The following EPS15L1 variants were observed in gnomAD, a reference collection of about 807,000 sequenced individuals.
EPS15L1 encodes the protein epidermal growth factor receptor substrate 15-like 1.
In EPS15L1, 43 loss-of-function variants were observed where a neutral mutation model predicts 117.1. That is an observed-to-expected ratio of 0.37 (90% confidence interval 0.29 to 0.47). The LOEUF is 0.47. EPS15L1 is among the 20% of genes least tolerant of loss of function. The pLI is 0.99. For synonymous variants in EPS15L1, 459 were observed against 470.5 expected (o/e 0.98, Z 0.32); for missense variants, 981 against 1,164.0 (o/e 0.84, Z 2.29).
intron 8 of EPS15L1, among the ~76,000 whole-genome samples, chr19:16,428,214 AAG>A (rs1053957093): frequency 6.7e-6 from 1 of 148,404 alleles, no homozygotes; most frequent in African/African-American, 2.5e-5. Flanking sequence ...AAAAAAAAGA[AAG>A]AAAGAAAGAA....
At chr19:16,380,670 T>G (rs865844383) in intron 21 of EPS15L1, among the ~76,000 whole-genome samples, 3 of 152,210 alleles carry the variant, frequency 2.0e-5, no homozygotes, top group Non-Finnish European at 2.9e-5. Context: ...TTTGAGGCTC[T>G]AGCTTCCAGT....
intron 23 of EPS15L1, chr19:16,356,513 T>G (rs1244215416): frequency 1.3e-5 from 2 of 152,402 alleles, no homozygotes; most frequent in Non-Finnish European, 2.9e-5. Context: ...GGTTTCACCA[T>G]GTTGGTCAGG....
intron 1 of EPS15L1, among the ~76,000 whole-genome samples, chr19:16,451,626 TCA>T (rs1283617056): frequency 1.3e-5 from 2 of 151,752 alleles, no homozygotes; most frequent in Non-Finnish European, 2.9e-5. Flanking sequence ...CCTCCCGGGT[TCA>T]CGCCATTCTC....
At chr19:16,360,046 T>A (rs545650954) in intron 23 of EPS15L1, among the ~76,000 whole-genome samples, 2 of 150,336 alleles carry the variant, frequency 1.3e-5, no homozygotes, top group East Asian at 3.9e-4. Flanking sequence ...AGCCAAATGA[T>A]ACCTTGAAAC....
intron 8 of EPS15L1, among the ~76,000 whole-genome samples, chr19:16,425,705 T>C (rs1599629289): frequency 6.6e-6 from 1 of 152,078 alleles, no homozygotes; most frequent in South Asian, 2.1e-4. Context: ...CTTGGGAGGC[T>C]GAGGTGGGAG....
intron 22 of EPS15L1, among the ~76,000 whole-genome samples, chr19:16,372,718 A>G (rs1457213998): frequency 6.6e-6 from 1 of 152,238 alleles, no homozygotes; most frequent in Non-Finnish European, 1.5e-5. Context: ...CAGACCACAT[A>G]CAGCACGTCA....
chr19:16,466,485 C>T lies in EPS15L1; in HGVS notation c.33+5428G>A, dbSNP rs114624587. On this transcript the variant is annotated intron_variant, in intron 1 of 23. Coordinates refer to ENST00000455140, the MANE Select transcript of EPS15L1 (RefSeq NM_001258374.3). ...TTCTTTATATCTGGGCCCCTCCCAACGATGTCAGCCCCGTGAGGCGGCACT... is the reference window on the plus strand; with the variant it reads ...TTCTTTATATCTGGGCCCCTCCCAATGATGTCAGCCCCGTGAGGCGGCACT... Among the ~76,000 whole-genome samples, 871 of 152,264 alleles carry T rather than the reference C, an allele frequency of 5.7e-3. 5 individuals are homozygous for T. Among genetic ancestry groups the T allele is most frequent in the African/African-American group, 0.02 (811 of 41,572 alleles).
intron 1 of EPS15L1, among the ~76,000 whole-genome samples, chr19:16,459,023 C>A (rs2093223384): frequency 6.6e-6 from 1 of 152,240 alleles, no homozygotes; most frequent in African/African-American, 2.4e-5. Context: ...GGCTACAAAC[C>A]TGGGCAGCGT....
At chr19:16,440,779 GA>G in intron 4 of EPS15L1, 82 bp downstream of exon 4, 2 of 1,202,310 alleles carry the variant, frequency 1.7e-6, no homozygotes, top group Non-Finnish European at 2.5e-6. Context: ...GACAGTGGAG[GA>G]ATGTGGAAGG....
At position 16,370,739 on chromosome 19, in the gene EPS15L1, C is replaced by T. The variant is rs1249169086; in HGVS notation, c.2380+6383G>A. On this transcript the variant is annotated intron_variant, in intron 22 of 23. Coordinates refer to ENST00000455140, the MANE Select transcript of EPS15L1 (RefSeq NM_001258374.3). The surrounding 1 kb of genome is among the most constrained non-coding windows in gnomAD (Gnocchi z 5.2). ...TAAACATACAAGGCTGACATTCCTC[C>T]CTCTCAGAGTGGGACCGTTCCTTGG... Among the ~76,000 whole-genome samples the T allele has an allele frequency of 1.3e-5, 2 of 152,234 alleles. No homozygotes were observed. Among genetic ancestry groups the T allele is most frequent in the African/African-American group, 4.8e-5 (2 of 41,462 alleles).
At chr19:16,453,585 C>A (rs753842730) in intron 1 of EPS15L1, among the ~76,000 whole-genome samples, 1 of 152,034 alleles carries the variant, frequency 6.6e-6, no homozygotes, top group African/African-American at 2.4e-5. Flanking sequence ...TGGTGGCAGG[C>A]GCCTGCAGTC....
At chr19:16,401,783 T>C in intron 16 of EPS15L1, 17 of 985,910 alleles carry the variant, frequency 1.7e-5, no homozygotes, top group East Asian at 1.1e-4. Context: ...TTTTTAAACA[T>C]AACCAAAATT....
At chr19:16,470,253 A>G (rs1029969557) in intron 1 of EPS15L1, among the ~76,000 whole-genome samples, 2 of 151,988 alleles carry the variant, frequency 1.3e-5, no homozygotes, top group African/African-American at 4.8e-5. Flanking sequence ...CGGGTGTGGT[A>G]GCACGTGCCT....
At position 16,355,845 on chromosome 19, in the gene EPS15L1, T is replaced by C. The variant is rs946346939; in HGVS notation, c.2593A>G (p.Asn865Asp). ...SGFADFTSFG[N>D]EEQQLAWAKR... ...GCCCACGCCAGCTGCTGCTCCTCAT[T>C]GCCAAACTGCAAAGGAAAAACGGAG... Residue 865 changes from asparagine (N) to aspartate (D), a missense_variant, in exon 24 of 24, where the codon AAT (asparagine) becomes GAT (aspartate). Coordinates refer to ENST00000455140, the MANE Select transcript of EPS15L1 (RefSeq NM_001258374.3). 10 of 1,535,770 alleles carry C rather than the reference T, an allele frequency of 6.5e-6. No homozygotes were observed. Among genetic ancestry groups the C allele is most frequent in the Non-Finnish European group, 8.7e-6 (10 of 1,146,604 alleles).
intron 21 of EPS15L1, among the ~76,000 whole-genome samples, chr19:16,380,809 GTGT>G (rs2092353142): frequency 6.6e-6 from 1 of 152,250 alleles, no homozygotes; most frequent in African/African-American, 2.4e-5. Flanking sequence ...GTGGCCACCT[GTGT>G]CTCTGGCAGC....
intron 1 of EPS15L1, among the ~76,000 whole-genome samples, chr19:16,446,024 T>G (rs116488216): frequency 2.0e-5 from 3 of 152,308 alleles, no homozygotes; most frequent in Admixed American, 1.3e-4. Context: ...AGAGACAACA[T>G]GCAAAGTTCC....
chr19:16,425,211 C>T lies in EPS15L1; in HGVS notation c.664G>A (p.Ala222Thr), dbSNP rs754095283. 3 of 1,604,044 alleles carry T rather than the reference C, an allele frequency of 1.9e-6. No individual in the cohort carries two copies. Among genetic ancestry groups the T allele is most frequent in the Non-Finnish European group, 2.6e-6 (3 of 1,172,330 alleles). Reference sequence around the variant, plus strand: ...GGGCTGGCAGGCAGGACGGGGACGGCGCCAGGGAACACAGTCTTCTTTCTC... The same window carrying T: ...GGGCTGGCAGGCAGGACGGGGACGGTGCCAGGGAACACAGTCTTCTTTCTC... ...SKRKKTVFPG[A>T]VPVLPASPPP... The change falls in exon 9 of 24, where the codon GCC becomes ACC. Residue 222 changes from alanine to threonine, a missense_variant. By Grantham distance (58) the Ala-to-Thr change is moderately conservative. Transcript: ENST00000455140.
intron 10 of EPS15L1, among the ~76,000 whole-genome samples, chr19:16,419,763 C>T (rs1411111680): frequency 6.6e-6 from 1 of 152,232 alleles, no homozygotes; most frequent in Non-Finnish European, 1.5e-5. Flanking sequence ...CCTAGTTATC[C>T]CCACAGTTCG....
intron 16 of EPS15L1, among the ~76,000 whole-genome samples, chr19:16,397,576 C>T (rs1041430638): frequency 7.9e-5 from 12 of 151,632 alleles, no homozygotes; most frequent in Admixed American, 6.6e-5. Flanking sequence ...CCTAGGTGGG[C>T]ATTTGGGAAA....
Sources: gnomAD v4.1 joint callset for allele counts (sites outside exome capture counted in the v4.1 genomes callset) on GRCh38, gnomAD v4.1.1 for gene constraint, Gnocchi (gnomAD v3.1) non-coding constraint, MANE v1.5 for transcripts, NCBI Gene and HGNC (gene_info 2026-07-23, HGNC 2026-07-21) for gene names.